The following ANK3 variants were observed in gnomAD, a reference collection of about 807,000 sequenced individuals.
The protein encoded by ANK3 is ankyrin-3.
ANK3 carries 57 observed loss-of-function variants against 370.9 expected under a neutral mutation model. The observed-to-expected ratio is 0.15, with a 90% CI of 0.12 to 0.19. The LOEUF is 0.19. ANK3 is among the 10% of genes least tolerant of loss of function. The pLI is 1.00. For missense variants in ANK3, 4,439 were observed against 5,302.1 expected, an observed-to-expected ratio of 0.84 and a Z score of 5.06; for synonymous variants, 1,929 against 1,946.3, an observed-to-expected ratio of 0.99 and a Z score of 0.23.
At chr10:60,640,076 A>C (rs1383443268) in intron 1 of ANK3, among the ~76,000 whole-genome samples, 1 of 152,144 alleles carries the variant, frequency 6.6e-6, no homozygotes, top group Non-Finnish European at 1.5e-5. Flanking sequence ...TCATATGAGA[A>C]AAGTAGGCTT....
At chr10:60,346,159 CA>C (rs1379047611) in intron 1 of ANK3, among the ~76,000 whole-genome samples, 7 of 151,810 alleles carry the variant, frequency 4.6e-5, no homozygotes, top group African/African-American at 1.7e-4. Flanking sequence ...AACCAGAAAA[CA>C]ACTGGATGAA....
Position 60,070,569 on chromosome 10 carries a change from C to T in ANK3, c.10312G>A (p.Ala3438Thr). 2.5e-6 allele frequency: 4 copies of T among 1,614,110 alleles called. No individual in the cohort carries two copies. Among genetic ancestry groups the T allele is most frequent in the Non-Finnish European group, 3.4e-6 (4 of 1,180,014 alleles). ...CAGATATCTTTCTTAATTTCCATGGCTTGAATTGGGAGTTTAGAATCACTC... is the reference window on the plus strand; with the variant it reads ...CAGATATCTTTCTTAATTTCCATGGTTTGAATTGGGAGTTTAGAATCACTC... ...TESDSKLPIQAMEIKKDIWNT... is the reference protein window; with the variant it reads ...TESDSKLPIQTMEIKKDIWNT... The change falls in exon 37 of 44, where the codon GCC (alanine) becomes ACC (threonine). Residue 3438 changes from alanine (A) to threonine (T), a missense_variant. Physicochemically the swap from Ala to Thr is moderately conservative, Grantham distance 58. Coordinates refer to ENST00000280772, the MANE Select transcript of ANK3 (RefSeq NM_020987.5). This position sits in a 1 kb window ranked among gnomAD's most constrained non-coding sequence, Gnocchi z 5.7.
chr10:60,504,457 G>T (rs1260541536), intron 2 of ANK3, among the ~76,000 whole-genome samples: 1 of 152,072 alleles, frequency 6.6e-6, no homozygotes, highest in Non-Finnish European at 1.5e-5. Flanking sequence ...TTATAATAAA[G>T]ACTTATTGGG....
At chr10:60,588,160 TTTATTATTATTATTATTATTATTA>T (rs147944306) in intron 2 of ANK3, among the ~76,000 whole-genome samples, 2 of 141,116 alleles carry the variant, frequency 1.4e-5, no homozygotes, top group East Asian at 4.1e-4. Flanking sequence ...TTTCTCAGTT[TTTATTATTATTATTATTATTATTA>T]TTATTATTAT....
intron 8 of ANK3, among the ~76,000 whole-genome samples, chr10:60,234,026 A>T (rs2097291054): frequency 6.6e-6 from 1 of 152,134 alleles, no homozygotes; most frequent in Admixed American, 6.5e-5. Flanking sequence ...GGTATATTTC[A>T]CCTCAGCATA....
At chr10:60,150,099 T>A (rs1256197447) in intron 23 of ANK3, among the ~76,000 whole-genome samples, 1 of 152,170 alleles carries the variant, frequency 6.6e-6, no homozygotes, top group African/African-American at 2.4e-5. Context: ...TTTTTTCCCC[T>A]TCATCCTTCA....
intron 2 of ANK3, among the ~76,000 whole-genome samples, chr10:60,488,915 T>C (rs867847775): frequency 6.6e-6 from 1 of 152,220 alleles, no homozygotes; most frequent in African/African-American, 2.4e-5. Context: ...TTGCTATGAT[T>C]TGACATTACC....
intron 7 of ANK3, among the ~76,000 whole-genome samples, chr10:60,253,187 C>T (rs992124735): frequency 2.0e-5 from 3 of 152,178 alleles, no homozygotes; most frequent in Non-Finnish European, 4.4e-5. Context: ...TGAAGACTAC[C>T]TCCATTGCTG....
intron 1 of ANK3, among the ~76,000 whole-genome samples, chr10:60,657,677 A>C (rs2078882960): frequency 6.6e-6 from 1 of 152,128 alleles, no homozygotes; most frequent in Non-Finnish European, 1.5e-5. Flanking sequence ...TGCACTCAAA[A>C]ATAAGGAGTA....
chr10:60,397,006 C>A (rs777892311), intron 2 of ANK3, among the ~76,000 whole-genome samples: 1 of 152,110 alleles, frequency 6.6e-6, no homozygotes, highest in East Asian at 1.9e-4. Flanking sequence ...CAAAACATTT[C>A]TTTCAAGAAG....
chr10:60,694,019 T>C (rs1356918628), intron 1 of ANK3, among the ~76,000 whole-genome samples: 1 of 151,910 alleles, frequency 6.6e-6, no homozygotes, highest in Non-Finnish European at 1.5e-5. Context: ...TAGAAGAATG[T>C]ACAACTAGAA....
intron 40 of ANK3, chr10:60,059,842 T>C: frequency 6.2e-7 from 1 of 1,614,236 alleles, no homozygotes; most frequent in Non-Finnish European, 8.5e-7. Context: ...GAATGCTCTA[T>C]GTTCCCCTGG....
intron 2 of ANK3, among the ~76,000 whole-genome samples, chr10:60,606,508 A>G (rs189057943): frequency 2.4e-4 from 37 of 152,336 alleles, no homozygotes; most frequent in African/African-American, 8.2e-4. Context: ...TTAAAAGTGA[A>G]AGAAGAGTTA....
At chr10:60,210,010 A>T (rs10761466) in intron 9 of ANK3, among the ~76,000 whole-genome samples, 87,430 of 152,030 alleles carry the variant, frequency 0.58, 25,258 homozygotes, top group East Asian at 0.79. Context: ...AAAATATGGA[A>T]CCAATGTGAT....
chr10:60,684,650 T>C (rs1589023909), intron 1 of ANK3: 1 of 1,589,150 alleles, frequency 6.3e-7, no homozygotes, highest in East Asian at 2.3e-5. Context: ...GTAAATACCG[T>C]ACCTACCAAA....
In ANK3 at chr10:60,382,797, C is replaced by CTATATATATATATATATATA. The variant is rs5785442; in HGVS notation, c.114+6608_114+6627dup. Among the ~76,000 whole-genome samples, 28 of 133,746 alleles carry CTATATATATATATATATATA rather than the reference C, an allele frequency of 2.1e-4. 1 individual carries two copies. The highest frequency in any genetic ancestry group is 2.9e-4 in the Non-Finnish European group (18 of 62,122). The allele number at this position is 133,746 out of a possible 152,430, so 87.7% of individuals were successfully genotyped here. A position where few individuals can be genotyped will look rare whatever the true frequency, so the allele number is the denominator to read the frequency against. On this transcript the variant is annotated intron_variant, in intron 1 of 43. Coordinates refer to ENST00000280772, the MANE Select transcript of ANK3 (RefSeq NM_020987.5). ...TTCGATATTTAACCTATACCTAAAT[C>CTATATATATATATATATATA]TATATATATATATATATATATATAT... is the stretch of plus-strand genomic sequence containing the variant.
intron 8 of ANK3, among the ~76,000 whole-genome samples, chr10:60,228,642 T>C (rs1336282742): frequency 3.3e-5 from 5 of 151,960 alleles, no homozygotes; most frequent in Non-Finnish European, 7.4e-5. Context: ...AAAACACTAA[T>C]AACTTCTTTT....
At chr10:60,419,868 A>G (rs1300457917) in intron 2 of ANK3, among the ~76,000 whole-genome samples, 1 of 152,080 alleles carries the variant, frequency 6.6e-6, no homozygotes, top group East Asian at 1.9e-4. Context: ...TTTTACATCC[A>G]ACCTCTCTGG....
intron 23 of ANK3, among the ~76,000 whole-genome samples, chr10:60,159,054 CA>C (rs2095429492): frequency 6.6e-6 from 1 of 151,994 alleles, no homozygotes; most frequent in Non-Finnish European, 1.5e-5. Flanking sequence ...AATCAGAAAA[CA>C]AATAACAAAA....
Sources: gnomAD v4.1 joint callset for allele counts (sites outside exome capture counted in the v4.1 genomes callset) on GRCh38, gnomAD v4.1.1 for gene constraint, Gnocchi (gnomAD v3.1) non-coding constraint, MANE v1.5 for transcripts, NCBI Gene and HGNC (gene_info 2026-07-23, HGNC 2026-07-21) for gene names.